Variants in SCN2A observed in about 807,000 individuals in gnomAD.
SCN2A encodes sodium channel protein type 2 subunit alpha.
SCN2A carries 20 observed loss-of-function variants against 188.7 expected under a neutral mutation model. That is an observed-to-expected ratio of 0.11 (90% CI 0.07 to 0.15). The LOEUF is 0.15. SCN2A is among the 10% of genes least tolerant of loss of function. SCN2A has a pLI of 1.00. For missense variants in SCN2A, 1,278 were observed against 2,445.0 expected, an observed-to-expected ratio of 0.52 and a Z score of 10.07; for synonymous variants, 804 against 833.1, an observed-to-expected ratio of 0.97 and a Z score of 0.60.
At chr2:165,251,850 A>G (rs1694109120) in intron 1 of SCN2A, among the ~76,000 whole-genome samples, 1 of 152,120 alleles carries the variant, frequency 6.6e-6, no homozygotes, top group African/African-American at 2.4e-5. Flanking sequence ...AATATTTACT[A>G]TAATACAGGC....
chr2:165,259,847 A>T (rs2106083825), intron 1 of SCN2A, among the ~76,000 whole-genome samples: 1 of 151,948 alleles, frequency 6.6e-6, no homozygotes, highest in South Asian at 2.1e-4. Context: ...AGAATGGTGA[A>T]TTCTTTCCAA....
chr2:165,359,243 A>G (rs950775719), intron 17 of SCN2A, among the ~76,000 whole-genome samples: 4 of 152,124 alleles, frequency 2.6e-5, no homozygotes, highest in African/African-American at 7.2e-5. Flanking sequence ...ACAGATGCGC[A>G]TATACACAGG....
At chr2:165,357,037 T>G (rs930552404) in intron 17 of SCN2A, among the ~76,000 whole-genome samples, 6 of 152,218 alleles carry the variant, frequency 3.9e-5, no homozygotes, top group Admixed American at 1.3e-4. Flanking sequence ...GCATAGAGAC[T>G]GTTACTTCAG....
intron 13 of SCN2A, among the ~76,000 whole-genome samples, chr2:165,328,783 C>T (rs935403): frequency 0.72 from 109,812 of 151,852 alleles, 39,903 homozygotes; most frequent in Admixed American, 0.76. Context: ...AGAGTGTTTT[C>T]GTTTTATTAT....
rs1469636711 is a variant in SCN2A at position 165,391,530 on chromosome 2, A to T, written c.*1706A>T. 1.3e-5 allele frequency: 2 copies of T among 152,650 alleles called. No homozygotes were observed. Among genetic ancestry groups the T allele is most frequent in the Non-Finnish European group, 2.9e-5 (2 of 67,986 alleles). The allele number at this position is 152,650 out of a possible 1,614,324, so 9.5% of individuals were successfully genotyped here. Reference sequence around the variant, plus strand: ...CACAAAATAAGAAGCAAGGACTAGGATGCAGTGTAGGTTTCTGCTTTTTTA... The same window carrying T: ...CACAAAATAAGAAGCAAGGACTAGGTTGCAGTGTAGGTTTCTGCTTTTTTA... On this transcript the variant is annotated 3_prime_UTR_variant, in exon 27 of 27. Coordinates refer to ENST00000375437, the MANE Select transcript of SCN2A (RefSeq NM_001040142.2).
chr2:165,312,813 A>C (rs1272294885), intron 8 of SCN2A, among the ~76,000 whole-genome samples: 1 of 152,146 alleles, frequency 6.6e-6, no homozygotes, highest in African/African-American at 2.4e-5. Context: ...CAAAAGTCTA[A>C]TGCACTTTCT....
chr2:165,291,897 T>C (rs1178527471), intron 1 of SCN2A, among the ~76,000 whole-genome samples: 1 of 151,876 alleles, frequency 6.6e-6, no homozygotes, highest in Non-Finnish European at 1.5e-5. Context: ...GACAGAGTAA[T>C]TACTTCAGGA....
chr2:165,362,189 A>G lies in SCN2A; in HGVS notation c.3400-2954A>G, dbSNP rs958188361. Among the ~76,000 whole-genome samples the G allele has an allele frequency of 2.6e-5, 4 of 152,176 alleles. No homozygotes were observed. In the East Asian group the frequency reaches 5.8e-4, roughly 22 times the overall value. ...GATGCATTTTCTAGAAACACAAAAT[A>G]CTTTTGAACTGAACCTTGGAAAAAG... On this transcript the variant is annotated intron_variant, in intron 17 of 26. Transcript: ENST00000375437.
intron 24 of SCN2A, 172 bp downstream of exon 24, chr2:165,380,901 T>C: frequency 1.4e-6 from 1 of 696,900 alleles, no homozygotes; most frequent in South Asian, 2.0e-5. Flanking sequence ...AGATAGCATG[T>C]TTTTGATATT....
chr2:165,354,456 G>C lies in SCN2A; in HGVS notation c.3184G>C (p.Gly1062Arg). 1 of 1,614,060 alleles carries C rather than the reference G, an allele frequency of 6.2e-7. No homozygotes were observed. The highest frequency in any genetic ancestry group is 8.5e-7 in the Non-Finnish European group (1 of 1,179,992). Residue 1062 changes from glycine (G) to arginine (R), a missense_variant, in exon 17 of 27, where the codon GGC becomes CGC. This residue lies in a region of SCN2A where 228 missense variants were observed against 297.3 expected (regional missense o/e 0.77). Coordinates refer to ENST00000375437, the MANE Select transcript of SCN2A (RefSeq NM_001040142.2). Reference protein sequence around the residue: ...CISNHTTIEIGKDLNYLKDGN... With the variant: ...CISNHTTIEIRKDLNYLKDGN... ...TTCCAACCATACCACCATAGAAATA[G>C]GCAAAGACCTCAATTATCTCAAAGA...
intron 1 of SCN2A, among the ~76,000 whole-genome samples, chr2:165,282,762 G>C (rs914277996): frequency 6.6e-6 from 1 of 152,118 alleles, no homozygotes; most frequent in Admixed American, 6.5e-5. Context: ...TAAATTACTG[G>C]CCCTAGCAAT....
chr2:165,273,299 T>C (rs1012664637), intron 1 of SCN2A: 1 of 152,148 alleles, frequency 6.6e-6, no homozygotes, highest in Non-Finnish European at 1.5e-5. Flanking sequence ...AGTTGTGAAA[T>C]CTCTGTTCTG....
At chr2:165,247,889 A>C (rs566064950) in intron 1 of SCN2A, among the ~76,000 whole-genome samples, 4 of 152,044 alleles carry the variant, frequency 2.6e-5, no homozygotes, top group Admixed American at 1.3e-4. Flanking sequence ...TTCCCAACCA[A>C]CCTGCTCCAA....
chr2:165,309,454 G>T lies in SCN2A; in HGVS notation c.697+11G>T. On this transcript the variant is annotated intron_variant, in intron 6 of 26. Transcript: ENST00000375437. ...TTTCAGTCATTCCAGGTGAGAGCTA[G>T]GTTAAACACCGAGGCTGACTTTAGC... 1 of 1,613,428 alleles carries T rather than the reference G, an allele frequency of 6.2e-7. No homozygotes were observed. The highest frequency in any genetic ancestry group is 8.5e-7 in the Non-Finnish European group (1 of 1,179,552).
At chr2:165,300,413 G>A (rs1285890938) in intron 3 of SCN2A, among the ~76,000 whole-genome samples, 2 of 152,148 alleles carry the variant, frequency 1.3e-5, no homozygotes, top group Non-Finnish European at 2.9e-5. Flanking sequence ...AAACAAATAC[G>A]TCGATTGGGA....
intron 17 of SCN2A, among the ~76,000 whole-genome samples, chr2:165,358,551 T>C (rs1022741980): frequency 1.3e-5 from 2 of 152,086 alleles, no homozygotes; most frequent in East Asian, 1.9e-4. Flanking sequence ...TTAAAACTCT[T>C]AGACTGAAAG....
At chr2:165,262,121 T>G (rs906205051) in intron 1 of SCN2A, among the ~76,000 whole-genome samples, 2 of 152,180 alleles carry the variant, frequency 1.3e-5, no homozygotes, top group Non-Finnish European at 2.9e-5. Context: ...TGGGACTTTT[T>G]TTCACTTTTA....
intron 3 of SCN2A, among the ~76,000 whole-genome samples, chr2:165,297,625 T>C (rs1193364592): frequency 6.6e-6 from 1 of 152,254 alleles, no homozygotes; most frequent in Non-Finnish European, 1.5e-5. Context: ...AGTAAGCGTT[T>C]ACAATTGTGT....
intron 1 of SCN2A, chr2:165,274,246 T>C (rs1177338003): frequency 7.0e-6 from 1 of 142,002 alleles, no homozygotes; most frequent in Non-Finnish European, 1.6e-5. Flanking sequence ...TTTTATTGCT[T>C]TACAACACAA....
Sources: gnomAD v4.1 joint callset for allele counts (sites outside exome capture counted in the v4.1 genomes callset) on GRCh38, gnomAD v4.1.1 for gene constraint, gnomAD v4.1.1 regional missense constraint, MANE v1.5 for transcripts, NCBI Gene and HGNC (gene_info 2026-07-23, HGNC 2026-07-21) for gene names.